Variants in NDST3 observed in about 807,000 individuals in gnomAD.
NDST3 encodes the protein N-deacetylase and N-sulfotransferase 3.
In NDST3, 58 loss-of-function variants were observed where a neutral mutation model predicts 96.1. That is an observed-to-expected ratio of 0.60 (90% CI 0.49 to 0.75). NDST3 has a LOEUF of 0.75. NDST3 is among the 30% of genes least tolerant of loss of function. NDST3 has a pLI of 0.00. For synonymous variants in NDST3, 333 were observed against 359.7 expected (o/e 0.93, Z 0.84); for missense variants, 788 against 1,034.2 (o/e 0.76, Z 3.27).
chr4:118,227,277 C>T (rs1739956001), intron 8 of NDST3, among the ~76,000 whole-genome samples: 1 of 150,960 alleles, frequency 6.6e-6, no homozygotes, highest in African/African-American at 2.4e-5. Flanking sequence ...TTGTAATTAA[C>T]ACTTCTAAAA....
At chr4:118,221,018 A>G (rs905986594) in intron 6 of NDST3, among the ~76,000 whole-genome samples, 1 of 152,008 alleles carries the variant, frequency 6.6e-6, no homozygotes, top group Non-Finnish European at 1.5e-5. Flanking sequence ...TCCCTGCATC[A>G]AGACCACTAG....
chr4:118,101,663 TCA>T (rs1205175086), intron 2 of NDST3, among the ~76,000 whole-genome samples: 1 of 152,102 alleles, frequency 6.6e-6, no homozygotes, highest in Non-Finnish European at 1.5e-5. Flanking sequence ...TGTGTAAACA[TCA>T]CAGAGTATAC....
At chr4:118,165,029 A>C (rs1391301950) in intron 6 of NDST3, among the ~76,000 whole-genome samples, 1 of 152,142 alleles carries the variant, frequency 6.6e-6, no homozygotes, top group Admixed American at 6.5e-5. Context: ...TGGACAGAAA[A>C]GCCTCAAGAC....
chr4:118,213,891 T>A (rs1739013776), intron 6 of NDST3, among the ~76,000 whole-genome samples: 2 of 152,084 alleles, frequency 1.3e-5, no homozygotes, highest in African/African-American at 4.8e-5. Flanking sequence ...CAAATACTTT[T>A]CAGTAGCCTA....
chr4:118,130,256 G>A (rs753678192), intron 4 of NDST3, among the ~76,000 whole-genome samples: 4 of 151,828 alleles, frequency 2.6e-5, no homozygotes, highest in East Asian at 1.9e-4. Context: ...TTTTGGGGTC[G>A]TCTCTCTTTT....
chr4:118,190,608 G>C (rs1003975771), intron 6 of NDST3, among the ~76,000 whole-genome samples: 5 of 152,172 alleles, frequency 3.3e-5, no homozygotes, highest in African/African-American at 1.2e-4. Flanking sequence ...ATAGAGGTCA[G>C]GACAGAAGAC....
intron 6 of NDST3, among the ~76,000 whole-genome samples, chr4:118,177,329 A>G (rs1736340668): frequency 6.6e-6 from 1 of 152,046 alleles, no homozygotes; most frequent in Non-Finnish European, 1.5e-5. Context: ...CAGATTATTC[A>G]GCATCCTCTA....
intron 6 of NDST3, among the ~76,000 whole-genome samples, chr4:118,157,735 T>G (rs1734810510): frequency 6.6e-6 from 1 of 152,136 alleles, no homozygotes; most frequent in African/African-American, 2.4e-5. Context: ...AGCTTTGATT[T>G]TGAACCATGA....
At chr4:118,071,885 C>T (rs1377024933) in intron 2 of NDST3, among the ~76,000 whole-genome samples, 1 of 152,036 alleles carries the variant, frequency 6.6e-6, no homozygotes, top group Non-Finnish European at 1.5e-5. Context: ...CACTGTATGT[C>T]ATCTTTTCAA....
intron 2 of NDST3, among the ~76,000 whole-genome samples, chr4:118,065,874 T>C (rs1224076226): frequency 6.6e-6 from 1 of 150,700 alleles, no homozygotes; most frequent in African/African-American, 2.4e-5. Flanking sequence ...CCTTCATACA[T>C]AGATCTTTAT....
At chr4:118,039,258 G>A (rs1438351083) in intron 1 of NDST3, among the ~76,000 whole-genome samples, 1 of 152,160 alleles carries the variant, frequency 6.6e-6, no homozygotes, top group Admixed American at 6.5e-5. Context: ...TGATCAAGGT[G>A]GTCACTGCTA....
chr4:118,040,465 C>T (rs756214056), intron 1 of NDST3, among the ~76,000 whole-genome samples: 1 of 152,000 alleles, frequency 6.6e-6, no homozygotes, highest in African/African-American at 2.4e-5. Context: ...AAGATCCATC[C>T]GACTTTAGAT....
chr4:118,193,602 C>A (rs904207106), intron 6 of NDST3: 1 of 1,201,708 alleles, frequency 8.3e-7, no homozygotes. Context: ...TGGCACACAG[C>A]CAGCTGGGCC....
chr4:118,253,493 T>C lies in NDST3; in HGVS notation c.2400-6T>C, dbSNP rs1017566255. ...GTTTTTCTGTGTGTATTCTTTTTTTTTTTAGGTTTGATTCTCATAAAGGTT... is the reference window on the plus strand; with the variant it reads ...GTTTTTCTGTGTGTATTCTTTTTTTCTTTAGGTTTGATTCTCATAAAGGTT... On this transcript the variant is annotated splice_region_variant and splice_polypyrimidine_tract_variant and intron_variant, in intron 12 of 13. Transcript: ENST00000296499. The C allele has an allele frequency of 3.8e-6, 6 of 1,586,096 alleles. No homozygotes were observed. The African/African-American group carries it at 8.2e-5, about 22-fold the overall frequency.
chr4:118,237,062 C>T lies in NDST3; in HGVS notation c.1960C>T (p.Pro654Ser). ...CTTTTCTAGGTATATGGATTTCTTC[C>T]CAGTCCCATCTAATGTCACTACCGA... Reference protein sequence around the residue: ...RGIDWYMDFFPVPSNVTTDFL... With the variant: ...RGIDWYMDFFSVPSNVTTDFL... Residue 654 changes from proline (P) to serine (S), a missense_variant, in exon 10 of 14, where the codon CCA (proline) becomes TCA (serine). Coordinates refer to ENST00000296499, the MANE Select transcript of NDST3 (RefSeq NM_004784.3). The T allele has an allele frequency of 1.2e-6, 2 of 1,605,120 alleles. No individual in the cohort carries two copies. The highest frequency in any genetic ancestry group is 4.5e-5 in the East Asian group (2 of 44,432).
intron 4 of NDST3, among the ~76,000 whole-genome samples, chr4:118,136,285 C>G (rs1373812176): frequency 1.3e-5 from 2 of 152,162 alleles, no homozygotes; most frequent in Non-Finnish European, 2.9e-5. Flanking sequence ...ATTTAACAAC[C>G]ACCAGAAATA....
At chr4:118,082,340 G>C (rs1346720682) in intron 2 of NDST3, among the ~76,000 whole-genome samples, 2 of 152,160 alleles carry the variant, frequency 1.3e-5, no homozygotes, top group Non-Finnish European at 2.9e-5. Flanking sequence ...GGCAGAAGGT[G>C]CAACACTCTT....
chr4:118,179,205 A>G (rs563931252), intron 6 of NDST3, among the ~76,000 whole-genome samples: 1 of 152,114 alleles, frequency 6.6e-6, no homozygotes, highest in South Asian at 2.1e-4. Flanking sequence ...CTTTACAAAT[A>G]TCTTTAAAAA....
chr4:118,252,875 G>C (rs963162524), intron 12 of NDST3, among the ~76,000 whole-genome samples: 3 of 151,902 alleles, frequency 2.0e-5, no homozygotes, highest in Non-Finnish European at 4.4e-5. Context: ...TGGGCAACAA[G>C]ACCAAGACTC....
Sources: allele counts gnomAD v4.1 joint callset (sites outside exome capture counted in the v4.1 genomes callset), GRCh38; gene constraint gnomAD v4.1.1; transcripts MANE v1.5; gene names NCBI Gene and HGNC (gene_info 2026-07-23, HGNC 2026-07-21).